Variants in CTNNA3 observed in about 807,000 individuals in gnomAD.
The protein encoded by CTNNA3 is catenin alpha 3.
A neutral mutation model predicts 95.7 loss-of-function variants in CTNNA3; 76 were observed. That is an observed-to-expected ratio of 0.79 (90% CI 0.66 to 0.96). CTNNA3 has a LOEUF of 0.96. Ranked by LOEUF, CTNNA3 falls within the 40% of genes least tolerant of loss-of-function variation. The pLI is 0.00. For missense variants in CTNNA3, 1,191 were observed against 1,089.8 expected (o/e 1.09, Z -1.31); for synonymous variants, 431 against 374.4 (o/e 1.15, Z -1.74).
chr10:67,004,063 A>AT (rs1178179516), intron 7 of CTNNA3, among the ~76,000 whole-genome samples: 1 of 152,048 alleles, frequency 6.6e-6, no homozygotes, highest in Non-Finnish European at 1.5e-5. Flanking sequence ...CTCACCTAAC[A>AT]TAAATAACTT....
chr10:67,287,162 AC>A (rs376731720), intron 5 of CTNNA3, among the ~76,000 whole-genome samples: 268 of 152,022 alleles, frequency 1.8e-3, no homozygotes, highest in Middle Eastern at 3.4e-3. Context: ...ATAAGGCAAA[AC>A]CCCATCTCTA....
chr10:67,701,681 G>A (rs112489044), intron 1 of CTNNA3, among the ~76,000 whole-genome samples: 21 of 152,288 alleles, frequency 1.4e-4, no homozygotes, highest in African/African-American at 4.6e-4. Context: ...ATGCCAAACT[G>A]TAAAGACCAT....
At chr10:66,496,404 T>G (rs10997191) in intron 11 of CTNNA3, among the ~76,000 whole-genome samples, 6,930 of 152,278 alleles carry the variant, frequency 0.046, 475 homozygotes, top group East Asian at 0.32. Context: ...TTTGATTAAA[T>G]GCTATAATCA....
At chr10:67,274,083 T>C (rs945982011) in intron 5 of CTNNA3, among the ~76,000 whole-genome samples, 1 of 152,128 alleles carries the variant, frequency 6.6e-6, no homozygotes, top group Non-Finnish European at 1.5e-5. Flanking sequence ...AAAATAACTA[T>C]AAATTAAAAG....
Position 65,917,313 on chromosome 10 carries a change from T to C in CTNNA3, c.*3017A>G, listed in dbSNP as rs953310964. ...GTTTTTTCTTGACTCATTCAAGAAC[T>C]ATCCAGAAACTGACTTAGAAACATT... On this transcript the variant is annotated 3_prime_UTR_variant, in exon 18 of 18. Transcript: ENST00000433211. The C allele has an allele frequency of 3.9e-5, 6 of 152,308 alleles. No homozygotes were observed. The highest frequency in any genetic ancestry group is 1.4e-4 in the African/African-American group (6 of 41,572). 9.4% of individuals were successfully genotyped at this position (152,308 alleles called of 1,614,324 possible). A position where few individuals can be genotyped will look rare whatever the true frequency, so the allele number is the denominator to read the frequency against.
chr10:65,926,028 G>C (rs2077163950), intron 17 of CTNNA3, among the ~76,000 whole-genome samples: 2 of 149,690 alleles, frequency 1.3e-5, no homozygotes, highest in South Asian at 4.2e-4. Context: ...TGTAATGTAT[G>C]CTAGATGTAT....
chr10:66,566,008 C>A (rs984260072), intron 10 of CTNNA3, among the ~76,000 whole-genome samples: 1 of 152,108 alleles, frequency 6.6e-6, no homozygotes, highest in Non-Finnish European at 1.5e-5. Context: ...TAGGTTGAAA[C>A]CAGAACGCTA....
chr10:66,349,237 T>G (rs1334273026), intron 12 of CTNNA3, among the ~76,000 whole-genome samples: 1 of 152,006 alleles, frequency 6.6e-6, no homozygotes, highest in Non-Finnish European at 1.5e-5. Flanking sequence ...AAGAAGAAAC[T>G]GAAGCCCTCA....
At position 67,761,661 on chromosome 10, in the gene CTNNA3, A is replaced by G. The variant is rs147631412; in HGVS notation, c.-2+1773T>C. 3.4e-3 allele frequency among the ~76,000 whole-genome samples: 523 copies of G among 152,254 alleles called. 4 individuals carry two copies. The highest frequency in any genetic ancestry group is 0.012 in the African/African-American group (481 of 41,548). On this transcript the variant is annotated intron_variant, in intron 1 of 17. Coordinates refer to the CTNNA3 transcript ENST00000684154. Reference sequence around the variant, plus strand: ...TGGGAGGCCGAGGCGGGCAGATCACAAGGTCAGGAGATCGAGACCATCCTG... The same window carrying G: ...TGGGAGGCCGAGGCGGGCAGATCACGAGGTCAGGAGATCGAGACCATCCTG...
chr10:67,436,246 G>GGT (rs1846295360), intron 5 of CTNNA3, among the ~76,000 whole-genome samples: 2 of 152,104 alleles, frequency 1.3e-5, no homozygotes, highest in South Asian at 4.2e-4. Context: ...TTCAACAAAT[G>GGT]GTGCTGGGAT....
At chr10:66,454,152 C>A (rs933799488) in intron 11 of CTNNA3, among the ~76,000 whole-genome samples, 1 of 152,080 alleles carries the variant, frequency 6.6e-6, no homozygotes, top group Non-Finnish European at 1.5e-5. Flanking sequence ...AAATAGATTC[C>A]CCCCTGCAGT....
At chr10:66,417,435 A>T (rs1227474894) in intron 11 of CTNNA3, among the ~76,000 whole-genome samples, 4 of 152,036 alleles carry the variant, frequency 2.6e-5, no homozygotes, top group African/African-American at 4.8e-5. Context: ...CTGTGGGGGA[A>T]TTTACCACCT....
intron 9 of CTNNA3, among the ~76,000 whole-genome samples, chr10:66,636,002 G>A (rs1364424992): frequency 3.8e-5 from 2 of 52,534 alleles, no homozygotes; most frequent in Non-Finnish European, 9.6e-5. Flanking sequence ...GTGTGTGTGT[G>A]TGTGTGTGTG....
intron 8 of CTNNA3, among the ~76,000 whole-genome samples, chr10:66,772,089 T>G (rs1277520151): frequency 1.3e-5 from 2 of 152,012 alleles, no homozygotes; most frequent in Admixed American, 1.3e-4. Flanking sequence ...CGGGAGGTGA[T>G]GCAAATTCTG....
intron 13 of CTNNA3, among the ~76,000 whole-genome samples, chr10:66,169,871 T>C (rs2085326423): frequency 6.6e-6 from 1 of 152,158 alleles, no homozygotes; most frequent in Non-Finnish European, 1.5e-5. Flanking sequence ...ATGGGATTGT[T>C]TGGTTTTTTC....
intron 5 of CTNNA3, among the ~76,000 whole-genome samples, chr10:67,487,722 A>G (rs1202769350): frequency 6.6e-6 from 1 of 152,198 alleles, no homozygotes; most frequent in Non-Finnish European, 1.5e-5. Flanking sequence ...TAAAGGGTCC[A>G]GCAGGTTGTC....
At chr10:66,685,193 GTATA>G (rs1201335703) in intron 9 of CTNNA3, among the ~76,000 whole-genome samples, 1 of 75,752 alleles carries the variant, frequency 1.3e-5, no homozygotes, top group Non-Finnish European at 2.5e-5. Flanking sequence ...ATATATACGT[GTATA>G]TATATATACG....
At chr10:66,987,985 A>G (rs1850827106) in intron 7 of CTNNA3, among the ~76,000 whole-genome samples, 1 of 152,200 alleles carries the variant, frequency 6.6e-6, no homozygotes, top group Non-Finnish European at 1.5e-5. Flanking sequence ...AATTATAAGG[A>G]ATTAGAATAT....
At chr10:67,726,830 CAT>C (rs1414767916) in intron 1 of CTNNA3, among the ~76,000 whole-genome samples, 4 of 98,544 alleles carry the variant, frequency 4.1e-5, no homozygotes, top group African/African-American at 7.9e-5. Flanking sequence ...ATCTATGTAT[CAT>C]ATATAATATA....
Sources: gnomAD v4.1 joint callset for allele counts (sites outside exome capture counted in the v4.1 genomes callset) on GRCh38, gnomAD v4.1.1 for gene constraint, MANE v1.5 for transcripts, NCBI Gene and HGNC (gene_info 2026-07-23, HGNC 2026-07-21) for gene names.